The following XRCC5 variants were observed in gnomAD, a reference collection of about 807,000 sequenced individuals.
The protein encoded by XRCC5 is DNA repair protein Ku80.
XRCC5 carries 12 observed loss-of-function variants against 95.7 expected under a neutral mutation model. The ratio of observed to expected loss-of-function variants is 0.13; its 90% CI spans 0.08 to 0.20. XRCC5 has a LOEUF of 0.20. Ranked by LOEUF, XRCC5 falls within the 10% of genes least tolerant of loss-of-function variation. The probability of loss-of-function intolerance (pLI) is 1.00; values close to 1 mark genes in which losing one functional copy is unlikely to be tolerated. For missense variants in XRCC5, 595 were observed against 873.9 expected, an observed-to-expected ratio of 0.68 and a Z score of 4.02; for synonymous variants, 281 against 290.3, an observed-to-expected ratio of 0.97 and a Z score of 0.33.
intron 20 of XRCC5, 32 bp downstream of exon 20, chr2:216,204,428 A>G (rs1438162): frequency 0.39 from 623,119 of 1,610,716 alleles, 126,824 homozygotes; most frequent in East Asian, 0.72. Context: ...CTGGTGTTCT[A>G]TGATTGAAGT....
intron 5 of XRCC5, among the ~76,000 whole-genome samples, chr2:216,121,220 C>CT (rs1321042994): frequency 6.6e-6 from 1 of 152,242 alleles, no homozygotes; most frequent in Non-Finnish European, 1.5e-5. Flanking sequence ...GTGTCTCACA[C>CT]TTTCCTCCCT....
intron 16 of XRCC5, among the ~76,000 whole-genome samples, chr2:216,188,483 A>G (rs1218425886): frequency 6.6e-6 from 1 of 152,250 alleles, no homozygotes; most frequent in African/African-American, 2.4e-5. Flanking sequence ...ACAAAGAGAA[A>G]CATTTATATT....
Position 216,161,998 on chromosome 2 carries a change from C to T in XRCC5, c.1784C>T (p.Ala595Val), listed in dbSNP as rs753410454. The change falls in exon 16 of 21, where the codon GCT becomes GTT. Residue 595 changes from alanine to valine, a missense_variant. Physicochemically the swap from Ala to Val is moderately conservative, Grantham distance 64 (BLOSUM62 0). Coordinates refer to ENST00000392132, the MANE Select transcript of XRCC5 (RefSeq NM_021141.4). ...SVTSVGSVNP[A>V]ENFRVLVKQK... is the part of the protein sequence containing the mutation. Reference sequence around the variant, plus strand: ...TTTTAGGTTGGAAGTGTGAATCCTGCTGAAAACTTCCGTGTTCTAGTGAAA... The same window carrying T: ...TTTTAGGTTGGAAGTGTGAATCCTGTTGAAAACTTCCGTGTTCTAGTGAAA... The T allele has an allele frequency of 6.2e-7, 1 of 1,614,108 alleles. No homozygotes were observed. Among genetic ancestry groups the T allele is most frequent in the Non-Finnish European group, 8.5e-7 (1 of 1,179,974 alleles).
rs1574439838 is a variant in XRCC5 at position 216,205,091 on chromosome 2, C to T, written c.2185-97C>T. 34 of 1,449,984 alleles carry T rather than the reference C, an allele frequency of 2.3e-5. No individual in the cohort carries two copies. In the East Asian group the frequency reaches 7.7e-4, roughly 33 times the overall value. 89.8% of individuals were successfully genotyped at this position (1,449,984 alleles called of 1,614,324 possible). On this transcript the variant is annotated intron_variant, in intron 20 of 20. Transcript: ENST00000392132. Reference sequence around the variant, plus strand: ...AATGAGCAAGTACATGCATGCCTTCCAATGTAGAGTCATTTTCATTAAACC... The same window carrying T: ...AATGAGCAAGTACATGCATGCCTTCTAATGTAGAGTCATTTTCATTAAACC...
intron 2 of XRCC5, among the ~76,000 whole-genome samples, chr2:216,115,445 A>C (rs970175341): frequency 1.3e-5 from 2 of 152,210 alleles, no homozygotes; most frequent in East Asian, 1.9e-4. Context: ...ATGCTTGTCT[A>C]GGCGGCAGAT....
chr2:216,134,359 A>G (rs1697037641), intron 10 of XRCC5, among the ~76,000 whole-genome samples: 1 of 152,102 alleles, frequency 6.6e-6, no homozygotes, highest in African/African-American at 2.4e-5. Context: ...GTTAAGTTAT[A>G]CACAGCTGTA....
At chr2:216,116,491 TA>T in intron 2 of XRCC5, 167 bp from the exon 3 acceptor site, 1 of 721,244 alleles carries the variant, frequency 1.4e-6, no homozygotes, top group Non-Finnish European at 2.4e-6. Context: ...GTTCAGAACC[TA>T]AGAATTGTCA....
Position 216,155,797 on chromosome 2 carries a change from A to T in XRCC5, c.1671-4271A>T, listed in dbSNP as rs565815403. On this transcript the variant is annotated intron_variant, in intron 14 of 20. Coordinates refer to ENST00000392132, the MANE Select transcript of XRCC5 (RefSeq NM_021141.4). ...TAATAAAAATATATACACATCTAAGATGTATCTGATATATCGGTGGGTACA... is the reference window on the plus strand; with the variant it reads ...TAATAAAAATATATACACATCTAAGTTGTATCTGATATATCGGTGGGTACA... Among the ~76,000 whole-genome samples, 11 of 152,358 alleles carry T rather than the reference A, an allele frequency of 7.2e-5. No individual in the cohort carries two copies. In the South Asian group the frequency reaches 2.1e-3, roughly 29 times the overall value.
rs1689640162 is a variant in XRCC5, at chr2:216,192,758, T to G, written c.2041+23T>G. 8.7e-6 allele frequency: 13 copies of G among 1,486,454 alleles called. No homozygotes were observed. The East Asian group carries it at 3.1e-4, about 36-fold the overall frequency. 92.1% of individuals were successfully genotyped at this position (1,486,454 alleles called of 1,614,324 possible). A position where few individuals can be genotyped will look rare whatever the true frequency, so the allele number is the denominator to read the frequency against. On this transcript the variant is annotated intron_variant, in intron 18 of 20. Transcript: ENST00000392132. ...AGGGTAAGTTGTCATTTGCCTTTTT[T>G]TTTAAAAAGTATTTTTAAAATACTT...
intron 14 of XRCC5, among the ~76,000 whole-genome samples, chr2:216,149,976 T>C (rs41296428): frequency 0.058 from 8,887 of 152,240 alleles, 830 homozygotes; most frequent in African/African-American, 0.2. Flanking sequence ...TTAAGAATTG[T>C]GGAAATGATT....
chr2:216,149,658 G>A (rs554566123), intron 14 of XRCC5, among the ~76,000 whole-genome samples: 1 of 152,236 alleles, frequency 6.6e-6, no homozygotes, highest in Admixed American at 6.5e-5. Flanking sequence ...TTCTGGTGTT[G>A]TGGGAAAGAA....
chr2:216,199,738 C>T (rs574874609), intron 19 of XRCC5, among the ~76,000 whole-genome samples: 1 of 151,526 alleles, frequency 6.6e-6, no homozygotes, highest in East Asian at 2.0e-4. Flanking sequence ...CTAGCACTGC[C>T]CTAGTCCTTC....
intron 18 of XRCC5, among the ~76,000 whole-genome samples, chr2:216,194,002 C>T (rs1468608279): frequency 6.6e-6 from 1 of 152,232 alleles, no homozygotes; most frequent in Non-Finnish European, 1.5e-5. Context: ...TTCTTCCTCC[C>T]TAGTCCTCTG....
chr2:216,134,674 C>T (rs1039992290), intron 10 of XRCC5, among the ~76,000 whole-genome samples: 2 of 54,664 alleles, frequency 3.7e-5, no homozygotes, highest in Non-Finnish European at 5.9e-5. Context: ...GGTGATCCAC[C>T]CCCCCCCCTC....
intron 13 of XRCC5, among the ~76,000 whole-genome samples, chr2:216,145,485 T>C (rs1688611199): frequency 6.6e-6 from 1 of 152,210 alleles, no homozygotes; most frequent in African/African-American, 2.4e-5. Flanking sequence ...TTTCAAATTG[T>C]AAAAATCACA....
intron 13 of XRCC5, among the ~76,000 whole-genome samples, chr2:216,143,147 G>A (rs1697198023): frequency 6.6e-6 from 1 of 152,210 alleles, no homozygotes; most frequent in East Asian, 1.9e-4. Flanking sequence ...GCCCAGCATT[G>A]TAAGTGTCCT....
At chr2:216,204,455 A>C (rs571529910) in intron 20 of XRCC5, 59 bp downstream of exon 20, 42 of 1,576,948 alleles carry the variant, frequency 2.7e-5, no homozygotes, top group African/African-American at 5.4e-5. Context: ...AGCTGTAAAT[A>C]CAGCCACAAA....
At chr2:216,152,998 A>G (rs1688773447) in intron 14 of XRCC5, among the ~76,000 whole-genome samples, 1 of 152,166 alleles carries the variant, frequency 6.6e-6, no homozygotes, top group Non-Finnish European at 1.5e-5. Context: ...AACACAAAAT[A>G]GTCCCCCTAG....
At chr2:216,130,678 A>G (rs1242620026) in intron 8 of XRCC5, 197 bp from the exon 9 acceptor site, 11 of 490,406 alleles carry the variant, frequency 2.2e-5, no homozygotes, top group Non-Finnish European at 7.2e-6. Context: ...TCATCTCTAT[A>G]TTGTATGTGT....
Sources: gnomAD v4.1 joint callset for allele counts (sites outside exome capture counted in the v4.1 genomes callset) on GRCh38, gnomAD v4.1.1 for gene constraint, MANE v1.5 for transcripts, NCBI Gene and HGNC (gene_info 2026-07-23, HGNC 2026-07-21) for gene names.